The following CRYL1 variants were observed in gnomAD, a reference collection of about 807,000 sequenced individuals.
CRYL1 encodes lambda-crystallin homolog.
In CRYL1, 29 loss-of-function variants were observed where a neutral mutation model predicts 36.6. The observed-to-expected ratio is 0.79, with a 90% CI of 0.59 to 1.08. The LOEUF is 1.08. Among genes scored for constraint, CRYL1 ranks in the 50% least tolerant of loss-of-function variants. The pLI is 0.00. For missense variants in CRYL1, 411 were observed against 407.9 expected (o/e 1.01, Z -0.06); for synonymous variants, 152 against 151.5 (o/e 1.00, Z -0.02).
At chr13:20,468,764 C>A (rs547774649) in intron 3 of CRYL1, among the ~76,000 whole-genome samples, 1 of 152,300 alleles carries the variant, frequency 6.6e-6, no homozygotes, top group East Asian at 1.9e-4. Flanking sequence ...TACCGCCATG[C>A]CTGGCTAATT....
intron 4 of CRYL1, among the ~76,000 whole-genome samples, chr13:20,437,526 T>C (rs539375885): frequency 9.9e-5 from 15 of 152,170 alleles, no homozygotes; most frequent in South Asian, 6.2e-4. Flanking sequence ...CCAGGATGGT[T>C]TCGATCTCCT....
chr13:20,454,308 C>A (rs1382981109), intron 3 of CRYL1, among the ~76,000 whole-genome samples: 6 of 151,596 alleles, frequency 4.0e-5, no homozygotes, highest in African/African-American at 1.5e-4. Flanking sequence ...TTTTTAAAAT[C>A]AATCAATGTC....
At chr13:20,522,481 C>T (rs556347345) in intron 1 of CRYL1, among the ~76,000 whole-genome samples, 27 of 152,248 alleles carry the variant, frequency 1.8e-4, no homozygotes, top group Middle Eastern at 3.4e-3. Flanking sequence ...TATAAAACAA[C>T]GTCCTACCAA....
chr13:20,465,538 G>A (rs563026233), intron 3 of CRYL1, among the ~76,000 whole-genome samples: 85 of 152,290 alleles, frequency 5.6e-4, no homozygotes, highest in African/African-American at 1.8e-3. Flanking sequence ...GTTGGAAAGC[G>A]TCACTGCTGG....
chr13:20,525,785 A>G lies in CRYL1; in HGVS notation c.10T>C (p.Ser4Pro). Residue 4 changes from serine to proline, a missense_variant, in exon 1 of 8, where the codon TCC becomes CCC. Coordinates refer to ENST00000298248, the MANE Select transcript of CRYL1 (RefSeq NM_015974.3). The surrounding 1 kb of genome is among the most constrained non-coding windows in gnomAD (Gnocchi z 4.3). MAS[S>P]AAGCVVIVGS... is the part of the protein sequence containing the mutation. Reference sequence around the variant, plus strand: ...ACGATCACCACGCAGCCGGCCGCGGAGGACGCCATGGTTGGGCCGGGGACG... The same window carrying G: ...ACGATCACCACGCAGCCGGCCGCGGGGGACGCCATGGTTGGGCCGGGGACG... 7.8e-7 allele frequency: 1 copy of G among 1,283,000 alleles called. No individual in the cohort carries two copies. The highest frequency in any genetic ancestry group is 9.9e-7 in the Non-Finnish European group (1 of 1,013,748). The allele number at this position is 1,283,000 out of a possible 1,614,324, so 79.5% of individuals were successfully genotyped here.
chr13:20,466,420 TAA>T (rs1375481229), intron 3 of CRYL1, among the ~76,000 whole-genome samples: 1 of 152,234 alleles, frequency 6.6e-6, no homozygotes, highest in Non-Finnish European at 1.5e-5. Context: ...CTAAAATTTT[TAA>T]AGAGTTGTTA....
chr13:20,442,813 A>G (rs781728195), intron 3 of CRYL1, among the ~76,000 whole-genome samples: 9 of 152,162 alleles, frequency 5.9e-5, no homozygotes, highest in Non-Finnish European at 8.8e-5. Context: ...GGGGAGGGAG[A>G]CACAACTCAT....
At chr13:20,474,306 G>A (rs139192195) in intron 3 of CRYL1, among the ~76,000 whole-genome samples, 2 of 152,312 alleles carry the variant, frequency 1.3e-5, no homozygotes, top group Non-Finnish European at 2.9e-5. Flanking sequence ...AGCGCCGGCA[G>A]CAGGCAGCTC....
At chr13:20,493,147 C>G (rs773658349) in intron 2 of CRYL1, among the ~76,000 whole-genome samples, 14 of 152,254 alleles carry the variant, frequency 9.2e-5, no homozygotes, top group Non-Finnish European at 1.6e-4. Context: ...TGAGCAGCCG[C>G]CAGCTGTGGC....
At chr13:20,483,898 C>T (rs1292492877) in intron 3 of CRYL1, among the ~76,000 whole-genome samples, 1 of 152,148 alleles carries the variant, frequency 6.6e-6, no homozygotes, top group Non-Finnish European at 1.5e-5. Flanking sequence ...CTCACTGCAA[C>T]CTCCACCTCG....
chr13:20,420,701 T>TTTTTTTTTTTGTGTGTGTG lies in CRYL1; in HGVS notation c.634-7315_634-7314insCACACACACAAAAAAAAAA. Among the ~76,000 whole-genome samples, 8 of 21,874 alleles carry TTTTTTTTTTTGTGTGTGTG rather than the reference T, an allele frequency of 3.7e-4. 2 individuals are homozygous for TTTTTTTTTTTGTGTGTGTG. The highest frequency in any genetic ancestry group is 7.0e-4 in the Admixed American group (2 of 2,876). The allele number at this position is 21,874 out of a possible 152,430, so 14.4% of individuals were successfully genotyped here. On this transcript the variant is annotated intron_variant, in intron 5 of 7. Coordinates refer to ENST00000298248, the MANE Select transcript of CRYL1 (RefSeq NM_015974.3). ...CTTTGACTTTTCTTTAAAATAGAGG[T>TTTTTTTTTTTGTGTGTGTG]TGTGTGTGTGTGTGTGTGTGTGTGT...
Position 20,525,781 on chromosome 13 carries a change from G to T in CRYL1, c.14C>A (p.Ala5Glu). Reference protein sequence around the residue: MASSAAGCVVIVGSG... With the variant: MASSEAGCVVIVGSG... ...GCCAACGATCACCACGCAGCCGGCC[G>T]CGGAGGACGCCATGGTTGGGCCGGG... is the stretch of plus-strand genomic sequence containing the variant. The change falls in exon 1 of 8, where the codon GCG becomes GAG. Residue 5 changes from alanine (A) to glutamate (E), a missense_variant. Transcript: ENST00000298248. This position sits in a 1 kb window ranked among gnomAD's most constrained non-coding sequence, Gnocchi z 4.3. 1 of 1,286,122 alleles carries T rather than the reference G, an allele frequency of 7.8e-7. No individual in the cohort carries two copies. Among genetic ancestry groups the T allele is most frequent in the Non-Finnish European group, 9.8e-7 (1 of 1,015,346 alleles). 79.7% of individuals were successfully genotyped at this position (1,286,122 alleles called of 1,614,324 possible).
chr13:20,507,812 G>A (rs531892469), intron 2 of CRYL1, among the ~76,000 whole-genome samples: 276 of 151,968 alleles, frequency 1.8e-3, no homozygotes, highest in Middle Eastern at 3.4e-3. Flanking sequence ...CAGCTACTCC[G>A]GAGGCTGAGG....
At chr13:20,522,317 T>A (rs1184969176) in intron 1 of CRYL1, among the ~76,000 whole-genome samples, 1 of 151,918 alleles carries the variant, frequency 6.6e-6, no homozygotes, top group East Asian at 1.9e-4. Context: ...GCCACTGCAC[T>A]TCAGCCTGAG....
chr13:20,460,641 T>C (rs1208554361), intron 3 of CRYL1, among the ~76,000 whole-genome samples: 3 of 144,058 alleles, frequency 2.1e-5, no homozygotes, highest in African/African-American at 2.6e-5. Context: ...TTCTCCTGCC[T>C]CAGCCTCCCA....
At chr13:20,412,236 G>A (rs1042677831) in intron 6 of CRYL1, among the ~76,000 whole-genome samples, 1 of 151,894 alleles carries the variant, frequency 6.6e-6, no homozygotes, top group Non-Finnish European at 1.5e-5. Context: ...GCCATTTCCA[G>A]TCTTTCACTC....
At chr13:20,492,655 G>A (rs2033533490) in intron 2 of CRYL1, among the ~76,000 whole-genome samples, 1 of 152,086 alleles carries the variant, frequency 6.6e-6, no homozygotes. Context: ...ACCAGGCCAA[G>A]CCAGCTATTC....
At chr13:20,468,871 C>T (rs4638419) in intron 3 of CRYL1, among the ~76,000 whole-genome samples, 125,290 of 152,160 alleles carry the variant, frequency 0.82, 51,720 homozygotes, top group Admixed American at 0.87. Flanking sequence ...CCTGCCAAAG[C>T]GCTGGGATTA....
At position 20,481,634 on chromosome 13, in the gene CRYL1, T is replaced by C. The variant is rs1214930458; in HGVS notation, c.276+7736A>G. On this transcript the variant is annotated intron_variant, in intron 3 of 7. Transcript: ENST00000298248. The surrounding 1 kb of genome is among the most constrained non-coding windows in gnomAD (Gnocchi z 4.1). ...TTAAAGAAAAAAACACGTATGGCCA[T>C]GCGTGGTGGCTCACTCCTGTAATTC... Among the ~76,000 whole-genome samples, 1 of 152,102 alleles carries C rather than the reference T, an allele frequency of 6.6e-6. No homozygotes were observed. The highest frequency in any genetic ancestry group is 1.5e-5 in the Non-Finnish European group (1 of 68,016).
Sources: gnomAD v4.1 joint callset for allele counts (sites outside exome capture counted in the v4.1 genomes callset) on GRCh38, gnomAD v4.1.1 for gene constraint, Gnocchi (gnomAD v3.1) non-coding constraint, MANE v1.5 for transcripts, NCBI Gene and HGNC (gene_info 2026-07-23, HGNC 2026-07-21) for gene names.